RASGEF1B: variants seen among roughly 807,000 people sequenced by gnomAD.
RASGEF1B encodes ras-GEF domain-containing family member 1B.
RASGEF1B carries 30 observed loss-of-function variants against 65.7 expected under a neutral mutation model. The observed-to-expected ratio is 0.46, with a 90% CI of 0.34 to 0.62. The LOEUF (loss-of-function observed/expected upper bound fraction) is 0.62. Ranked by LOEUF, RASGEF1B falls within the 20% of genes least tolerant of loss-of-function variation. The probability of loss-of-function intolerance (pLI) is 0.01; values close to 1 mark genes in which losing one functional copy is unlikely to be tolerated. For missense variants in RASGEF1B, 495 were observed against 580.1 expected (o/e 0.85, Z 1.51); for synonymous variants, 175 against 194.8 (o/e 0.90, Z 0.85).
rs1721868048 is a variant in RASGEF1B, at chr4:81,442,319, G to A, written c.986C>T (p.Thr329Ile). ...TACCTCAAGAATGTCAAATTTTGCA[G>A]TCTTCACTTTGGCCCAAGTTTTTTT... ...RLKKTWAKVK[T>I]AKFDILEHQM... The change falls in exon 9 of 14, where the codon ACT becomes ATT. Residue 329 changes from threonine to isoleucine, a missense_variant. Thr to Ile is a moderately conservative substitution (Grantham distance 89, BLOSUM62 -1). Transcript: ENST00000264400. The A allele has an allele frequency of 6.2e-7, 1 of 1,612,466 alleles. No homozygotes were observed. The highest frequency in any genetic ancestry group is 8.5e-7 in the Non-Finnish European group (1 of 1,178,566).
intron 1 of RASGEF1B, among the ~76,000 whole-genome samples, chr4:81,466,912 A>G (rs1462052016): frequency 6.7e-6 from 1 of 150,156 alleles, no homozygotes; most frequent in Admixed American, 6.6e-5. Context: ...AAACTGCAGA[A>G]ATGCTACACC....
At chr4:81,442,192 G>A in intron 9 of RASGEF1B, 105 bp downstream of exon 9, 1 of 766,806 alleles carries the variant, frequency 1.3e-6, no homozygotes, top group South Asian at 1.5e-5. Flanking sequence ...AGATAGATGG[G>A]CTTTTTCCTC....
chr4:81,459,558 C>T (rs1202262386), intron 1 of RASGEF1B, 44 bp from the exon 2 acceptor site: 17 of 1,415,966 alleles, frequency 1.2e-5, no homozygotes, highest in Non-Finnish European at 1.6e-5. Flanking sequence ...CAGCAATATG[C>T]AGTATGAAAA....
intron 1 of RASGEF1B, among the ~76,000 whole-genome samples, chr4:81,461,682 G>A (rs1235611310): frequency 6.6e-6 from 1 of 152,228 alleles, no homozygotes; most frequent in Non-Finnish European, 1.5e-5. Flanking sequence ...GCCTGAGGAT[G>A]AGCAAGGAAA....
chr4:81,452,755 T>C (rs1019759095), intron 4 of RASGEF1B: 1 of 152,204 alleles, frequency 6.6e-6, no homozygotes, highest in South Asian at 2.1e-4. Flanking sequence ...GAAGCTCTTA[T>C]TATAAAGACC....
chr4:81,448,786 A>AC (rs1722139582), intron 4 of RASGEF1B, among the ~76,000 whole-genome samples: 1 of 151,074 alleles, frequency 6.6e-6, no homozygotes, highest in African/African-American at 2.4e-5. Context: ...CTTCCAACTC[A>AC]CCCCCTCGAA....
At chr4:81,439,432 A>C (rs372106209) in intron 10 of RASGEF1B, among the ~76,000 whole-genome samples, 6 of 152,186 alleles carry the variant, frequency 3.9e-5, no homozygotes, top group Non-Finnish European at 8.8e-5. Flanking sequence ...GTAGAAAAAA[A>C]CTTAGAATTC....
chr4:81,454,885 T>C (rs531960617), intron 4 of RASGEF1B: 1 of 152,312 alleles, frequency 6.6e-6, no homozygotes, highest in East Asian at 1.9e-4. Context: ...CCTTACATAA[T>C]TTTAGTCTGA....
At position 81,469,176 on chromosome 4, in the gene RASGEF1B, C is replaced by T. The variant is rs1018320598; in HGVS notation, c.-7+2594G>A. 6.6e-5 allele frequency among the ~76,000 whole-genome samples: 10 copies of T among 152,310 alleles called. No homozygotes were observed. In the East Asian group the frequency reaches 1.9e-3, roughly 29 times the overall value. On this transcript the variant is annotated intron_variant, in intron 1 of 13. Coordinates refer to ENST00000264400, the MANE Select transcript of RASGEF1B (RefSeq NM_152545.3). ...ATCTTAAACAGCATTTTTAACAGTG[C>T]AATTGGCCTCTTTAAGAAGTCACAA...
rs754864753 is a variant in RASGEF1B, at chr4:81,440,910, C to T, written c.1028G>A (p.Ser343Asn). Residue 343 changes from serine to asparagine, a missense_variant, in exon 10 of 14, where the codon AGC becomes AAC. Coordinates refer to ENST00000264400, the MANE Select transcript of RASGEF1B (RefSeq NM_152545.3). ...DILEHQMDPS[S>N]NFYNYRTALR... ...AGCTGTTCGATAATTATAGAAATTGCTTGAAGGGTCCATCTGATGCTATAG... is the reference window on the plus strand; with the variant it reads ...AGCTGTTCGATAATTATAGAAATTGTTTGAAGGGTCCATCTGATGCTATAG... 3 of 1,611,090 alleles carry T rather than the reference C, an allele frequency of 1.9e-6. No individual in the cohort carries two copies. The highest frequency in any genetic ancestry group is 2.5e-6 in the Non-Finnish European group (3 of 1,177,684).
At chr4:81,466,948 A>G (rs548377872) in intron 1 of RASGEF1B, among the ~76,000 whole-genome samples, 17 of 147,936 alleles carry the variant, frequency 1.1e-4, no homozygotes, top group East Asian at 9.7e-4. Context: ...AAAAAAAAAA[A>G]AAAAAAAGAA....
In RASGEF1B at chr4:81,471,902, T is replaced by C. The variant is rs567572337; in HGVS notation, c.-139A>G. The C allele has an allele frequency of 1.4e-4, 22 of 152,782 alleles. No homozygotes were observed. Among genetic ancestry groups the C allele is most frequent in the African/African-American group, 3.8e-4 (16 of 41,560 alleles). 9.5% of individuals were successfully genotyped at this position (152,782 alleles called of 1,614,324 possible). ...TGTCTAACCAGTCGGGTTCCTTGTTTATACTGAAACTACGGCAGCCGCCGC... is the reference window on the plus strand; with the variant it reads ...TGTCTAACCAGTCGGGTTCCTTGTTCATACTGAAACTACGGCAGCCGCCGC... On this transcript the variant is annotated 5_prime_UTR_variant, in exon 1 of 14. The change creates a new upstream start codon in the 5' untranslated region. Coordinates refer to ENST00000264400, the MANE Select transcript of RASGEF1B (RefSeq NM_152545.3).
intron 8 of RASGEF1B, among the ~76,000 whole-genome samples, chr4:81,443,968 T>G (rs1721934927): frequency 6.6e-6 from 1 of 152,230 alleles, no homozygotes; most frequent in South Asian, 2.1e-4. Context: ...ATTCCAGTCA[T>G]TCTAGTGTAT....
intron 1 of RASGEF1B, among the ~76,000 whole-genome samples, chr4:81,459,780 A>T (rs1722578715): frequency 6.6e-6 from 1 of 152,158 alleles, no homozygotes; most frequent in Non-Finnish European, 1.5e-5. Context: ...ACTTAAACTC[A>T]AGTCTCTGGC....
At position 81,471,838 on chromosome 4, in the gene RASGEF1B, C is replaced by G. The variant is rs1440026608; in HGVS notation, c.-75G>C. The G allele has an allele frequency of 1.3e-5, 2 of 152,794 alleles. No individual in the cohort carries two copies. Among genetic ancestry groups the G allele is most frequent in the African/African-American group, 4.8e-5 (2 of 41,474 alleles). 9.5% of individuals were successfully genotyped at this position (152,794 alleles called of 1,614,324 possible). A position where few individuals can be genotyped will look rare whatever the true frequency, so the allele number is the denominator to read the frequency against. On this transcript the variant is annotated 5_prime_UTR_variant, in exon 1 of 14. Transcript: ENST00000264400. The stretch of plus-strand genomic sequence containing the variant: ...CGCGCCCACAAATGCGACCAAAGGA[C>G]AGGGAGCTAAAGCGCGCGGGAAGAA...
chr4:81,442,293 A>G lies in RASGEF1B; in HGVS notation c.1008+4T>C, dbSNP rs1721866709. 2 of 1,601,820 alleles carry G rather than the reference A, an allele frequency of 1.2e-6. No individual in the cohort carries two copies. The highest frequency in any genetic ancestry group is 1.3e-5 in the African/African-American group (1 of 74,744). On this transcript the variant is annotated splice_donor_region_variant and intron_variant, in intron 9 of 13. Coordinates refer to ENST00000264400, the MANE Select transcript of RASGEF1B (RefSeq NM_152545.3). ...CTTAACAGCAAAACATCAGCTTCAC[A>G]TACCTCAAGAATGTCAAATTTTGCA...
Position 81,442,325 on chromosome 4 carries a change from A to C in RASGEF1B, c.980T>G (p.Val327Gly). The C allele has an allele frequency of 1.2e-6, 2 of 1,613,312 alleles. No individual in the cohort carries two copies. The highest frequency in any genetic ancestry group is 8.5e-7 in the Non-Finnish European group (1 of 1,179,294). ...AAGAATGTCAAATTTTGCAGTCTTC[A>C]CTTTGGCCCAAGTTTTTTTTAGTCG... is the stretch of plus-strand genomic sequence containing the variant. Reference protein sequence around the residue: ...VSRLKKTWAKVKTAKFDILEH... With the variant: ...VSRLKKTWAKGKTAKFDILEH... The change falls in exon 9 of 14, where the codon GTG (valine) becomes GGG (glycine). Residue 327 changes from valine (V) to glycine (G), a missense_variant. Val to Gly is a moderately radical substitution (Grantham distance 109, BLOSUM62 -3). Coordinates refer to ENST00000264400, the MANE Select transcript of RASGEF1B (RefSeq NM_152545.3).
At chr4:81,462,930 G>A (rs1722696307) in intron 1 of RASGEF1B, among the ~76,000 whole-genome samples, 1 of 152,156 alleles carries the variant, frequency 6.6e-6, no homozygotes, top group Admixed American at 6.5e-5. Flanking sequence ...ATAAGAAGCT[G>A]AGGTTCAGAA....
chr4:81,445,449 C>T lies in RASGEF1B; in HGVS notation c.928+77G>A, dbSNP rs964454926. On this transcript the variant is annotated intron_variant, in intron 8 of 13. Coordinates refer to ENST00000264400, the MANE Select transcript of RASGEF1B (RefSeq NM_152545.3). ...TACAGTCTGTACTAACAAAACCATA[C>T]TATTTGCACATTTTCTGTGGGTCAT... 45 of 1,032,846 alleles carry T rather than the reference C, an allele frequency of 4.4e-5. No individual in the cohort carries two copies. In the Admixed American group the frequency reaches 7.5e-4, roughly 17 times the overall value. The allele number at this position is 1,032,846 out of a possible 1,614,324, so 64.0% of individuals were successfully genotyped here.
Sources: allele counts gnomAD v4.1 joint callset (sites outside exome capture counted in the v4.1 genomes callset), GRCh38; gene constraint gnomAD v4.1.1; transcripts MANE v1.5; gene names NCBI Gene and HGNC (gene_info 2026-07-23, HGNC 2026-07-21).